Variants in LOC128706665 observed in about 807,000 individuals in gnomAD.
At chr20:10,434,158 G>A in the LOC128706665 span, 3 of 151,552 alleles carry the variant, frequency 2.0e-5, no homozygotes, top group African/African-American at 7.3e-5. Context: ...AGAGGCCCCA[G>A]AAACAGATCT....
At chr20:10,428,269 TGGA>T in the LOC128706665 span, among the ~76,000 whole-genome samples, 2 of 152,202 alleles carry the variant, frequency 1.3e-5, no homozygotes, top group African/African-American at 4.8e-5. Flanking sequence ...TGGTGATTGG[TGGA>T]GGAGAGGGGA....
At chr20:10,428,108 A>G in the LOC128706665 span, among the ~76,000 whole-genome samples, 1 of 152,248 alleles carries the variant, frequency 6.6e-6, no homozygotes, top group Non-Finnish European at 1.5e-5. Context: ...AGGCAGTCTC[A>G]AATATTAAGC....
At chr20:10,424,895 T>C in the LOC128706665 span, among the ~76,000 whole-genome samples, 23 of 151,736 alleles carry the variant, frequency 1.5e-4, no homozygotes, top group Admixed American at 4.6e-4. Context: ...CTACTAAAAA[T>C]ACAAAAAATT....
chr20:10,424,334 C>T, the LOC128706665 span, among the ~76,000 whole-genome samples: 1 of 151,996 alleles, frequency 6.6e-6, no homozygotes, highest in African/African-American at 2.4e-5. Context: ...GGCAGGGGGA[C>T]TGCTTGAGCC....
the LOC128706665 span, among the ~76,000 whole-genome samples, chr20:10,431,314 T>C: frequency 6.6e-6 from 1 of 152,038 alleles, no homozygotes; most frequent in African/African-American, 2.4e-5. Flanking sequence ...ATTCACAATA[T>C]TTAGGGATTA....
the LOC128706665 span, among the ~76,000 whole-genome samples, chr20:10,429,468 A>C: frequency 6.6e-6 from 1 of 152,224 alleles, no homozygotes; most frequent in Non-Finnish European, 1.5e-5. Context: ...TTAGACCCAC[A>C]TAATAAACTG....
chr20:10,431,413 G>T, the LOC128706665 span, among the ~76,000 whole-genome samples: 4 of 152,052 alleles, frequency 2.6e-5, no homozygotes, highest in African/African-American at 9.7e-5. Context: ...ACTAGCCTCA[G>T]GGGGGAACTA....
chr20:10,414,391 C>T, the LOC128706665 span, among the ~76,000 whole-genome samples: 1 of 151,690 alleles, frequency 6.6e-6, no homozygotes, highest in Non-Finnish European at 1.5e-5. Flanking sequence ...TCACCCTCCT[C>T]AGTGGCAGGG....
chr20:10,431,433 G>C, the LOC128706665 span, among the ~76,000 whole-genome samples: 1 of 152,092 alleles, frequency 6.6e-6, no homozygotes, highest in African/African-American at 2.4e-5. Context: ...ACCAAGAAGA[G>C]TAAGGCATGA....
chr20:10,434,049 C>G, the LOC128706665 span: 2 of 152,456 alleles, frequency 1.3e-5, no homozygotes, highest in African/African-American at 4.8e-5. Context: ...CAAGCCCCTT[C>G]CCCTCTCTTC....
At chr20:10,432,940 G>A in the LOC128706665 span, among the ~76,000 whole-genome samples, 1 of 152,232 alleles carries the variant, frequency 6.6e-6, no homozygotes, top group African/African-American at 2.4e-5. Context: ...AGTGTTTAGG[G>A]AATGACAAGA....
chr20:10,425,006 T>C, the LOC128706665 span, among the ~76,000 whole-genome samples: 3 of 149,828 alleles, frequency 2.0e-5, no homozygotes, highest in African/African-American at 7.4e-5. Context: ...TGAGCCAAGA[T>C]CATGCCATTG....
At chr20:10,426,846 A>G in the LOC128706665 span, among the ~76,000 whole-genome samples, 2 of 152,236 alleles carry the variant, frequency 1.3e-5, no homozygotes, top group Non-Finnish European at 2.9e-5. Flanking sequence ...CTCCAAAAAC[A>G]CATCCGTGAC....
chr20:10,426,158 T>C, the LOC128706665 span, among the ~76,000 whole-genome samples: 1 of 152,218 alleles, frequency 6.6e-6, no homozygotes, highest in Non-Finnish European at 1.5e-5. Context: ...TGAAGAAACA[T>C]TAAATGATTG....
At chr20:10,431,577 C>G in the LOC128706665 span, 1 of 152,168 alleles carries the variant, frequency 6.6e-6, no homozygotes, top group African/African-American at 2.4e-5. Flanking sequence ...CAAACCCGCA[C>G]AAAAAACTGC....
chr20:10,432,789 C>CAA, the LOC128706665 span, among the ~76,000 whole-genome samples: 1,798 of 74,476 alleles, frequency 0.024, 192 homozygotes, highest in African/African-American at 0.057. Context: ...GACTCTTTGT[C>CAA]AAAAAAAAAA....
chr20:10,433,790 C>G, the LOC128706665 span, among the ~76,000 whole-genome samples: 4 of 152,138 alleles, frequency 2.6e-5, no homozygotes, highest in African/African-American at 7.2e-5. Flanking sequence ...CGGGGAGTCA[C>G]AGGTTCGGCG....
At chr20:10,420,196 G>A in the LOC128706665 span, among the ~76,000 whole-genome samples, 2 of 152,042 alleles carry the variant, frequency 1.3e-5, no homozygotes, top group Non-Finnish European at 2.9e-5. Context: ...AACACTAATA[G>A]AAGAAAATAA....
At chr20:10,425,291 C>T in the LOC128706665 span, among the ~76,000 whole-genome samples, 2 of 152,154 alleles carry the variant, frequency 1.3e-5, no homozygotes, top group African/African-American at 4.8e-5. Context: ...ATTATAATGG[C>T]GATATCCTAA....
Sources: allele counts gnomAD v4.1 joint callset (sites outside exome capture counted in the v4.1 genomes callset), GRCh38; gene constraint gnomAD v4.1.1; transcripts MANE v1.5.